The following TGFBR3 variants were observed in gnomAD, a reference collection of about 807,000 sequenced individuals.
TGFBR3 encodes the protein transforming growth factor beta receptor 3, also known as transforming growth factor beta receptor type 3.
In TGFBR3, 46 loss-of-function variants were observed where a neutral mutation model predicts 87.9. That is an observed-to-expected ratio of 0.52 (90% CI 0.41 to 0.67). TGFBR3 has a LOEUF of 0.67. Among genes scored for constraint, TGFBR3 ranks in the 30% least tolerant of loss-of-function variants. TGFBR3 has a pLI of 0.00. For missense variants in TGFBR3, 866 were observed against 1,041.9 expected, an observed-to-expected ratio of 0.83 and a Z score of 2.32; for synonymous variants, 381 against 391.6, an observed-to-expected ratio of 0.97 and a Z score of 0.32.
At chr1:91,843,131 G>A (rs968632192) in intron 2 of TGFBR3, among the ~76,000 whole-genome samples, 6 of 152,212 alleles carry the variant, frequency 3.9e-5, no homozygotes, top group African/African-American at 1.4e-4. Context: ...TTAAAAGACT[G>A]ATTAAATATG....
At chr1:91,849,009 T>C (rs1677614998) in intron 2 of TGFBR3, among the ~76,000 whole-genome samples, 1 of 152,214 alleles carries the variant, frequency 6.6e-6, no homozygotes, top group Non-Finnish European at 1.5e-5. Flanking sequence ...GAGAAATACA[T>C]CTTTATCCAC....
chr1:91,896,361 G>A (rs1679550889), intron 2 of TGFBR3, among the ~76,000 whole-genome samples: 1 of 152,210 alleles, frequency 6.6e-6, no homozygotes, highest in Non-Finnish European at 1.5e-5. Flanking sequence ...CAACAACCAT[G>A]AAGAGAGATG....
chr1:91,827,119 A>C (rs1379882740), intron 2 of TGFBR3, among the ~76,000 whole-genome samples: 1 of 152,176 alleles, frequency 6.6e-6, no homozygotes, highest in Non-Finnish European at 1.5e-5. Context: ...TGGTGCCAAC[A>C]TAGAAAATGT....
intron 16 of TGFBR3, among the ~76,000 whole-genome samples, chr1:91,691,740 G>A (rs139635955): frequency 2.4e-4 from 37 of 152,300 alleles, no homozygotes; most frequent in African/African-American, 8.2e-4. Flanking sequence ...GGAGGGAACC[G>A]GTTCAGACAG....
chr1:91,792,348 G>C (rs1195528898), intron 3 of TGFBR3, among the ~76,000 whole-genome samples: 1 of 152,038 alleles, frequency 6.6e-6, no homozygotes, highest in African/African-American at 2.4e-5. Context: ...TATTAAACCT[G>C]GCCCCTTTCC....
intron 2 of TGFBR3, among the ~76,000 whole-genome samples, chr1:91,798,789 T>TA (rs1240668826): frequency 3.3e-5 from 5 of 152,032 alleles, no homozygotes; most frequent in Admixed American, 6.6e-5. Flanking sequence ...TCATTGAGCT[T>TA]AAAAAAAATT....
At chr1:91,863,603 A>G (rs1380102189) in intron 1 of TGFBR3, among the ~76,000 whole-genome samples, 2 of 152,244 alleles carry the variant, frequency 1.3e-5, no homozygotes, top group Admixed American at 1.3e-4. Flanking sequence ...AGAAATTAAG[A>G]TATAGCTATT....
chr1:91,762,457 TAAGATGTCATCCTTTCAGCAG>T (rs1674006770), intron 3 of TGFBR3, among the ~76,000 whole-genome samples: 1 of 152,174 alleles, frequency 6.6e-6, no homozygotes, highest in Admixed American at 6.5e-5. Flanking sequence ...CCGCTGGTCT[TAAGATGTCATCCTTTCAGCAG>T]AAGAACTTAA....
chr1:91,762,938 A>G (rs1005582247), intron 3 of TGFBR3, among the ~76,000 whole-genome samples: 3 of 152,034 alleles, frequency 2.0e-5, no homozygotes, highest in Admixed American at 1.3e-4. Context: ...CTACCTCCCT[A>G]TCTCTCACTT....
intron 3 of TGFBR3, among the ~76,000 whole-genome samples, chr1:91,769,340 G>A (rs548632744): frequency 2.0e-5 from 3 of 152,162 alleles, no homozygotes; most frequent in South Asian, 2.1e-4. Context: ...AAGTCAAAAC[G>A]GGTTTCCTCA....
At chr1:91,785,713 G>C (rs1674931391) in intron 3 of TGFBR3, among the ~76,000 whole-genome samples, 1 of 151,306 alleles carries the variant, frequency 6.6e-6, no homozygotes, top group Non-Finnish European at 1.5e-5. Context: ...TTTCTTCTGG[G>C]AATCCTTCCC....
chr1:91,712,240 A>G lies in TGFBR3; in HGVS notation c.2166+3T>C. On this transcript the variant is annotated splice_donor_region_variant and intron_variant, in intron 13 of 16. Transcript: ENST00000212355. ...CCATCCGAATGGATGAAGGCCCACA[A>G]ACCTTAGGCAACTTCTGGGGGTGCT... is the stretch of plus-strand genomic sequence containing the variant. 2 of 1,613,972 alleles carry G rather than the reference A, an allele frequency of 1.2e-6. No individual in the cohort carries two copies. The highest frequency in any genetic ancestry group is 1.7e-6 in the Non-Finnish European group (2 of 1,179,928).
chr1:91,686,103 A>C (rs1056655220), intron 16 of TGFBR3, among the ~76,000 whole-genome samples: 1 of 152,150 alleles, frequency 6.6e-6, no homozygotes, highest in Non-Finnish European at 1.5e-5. Context: ...TTGCTTCATC[A>C]AGCAATAGGG....
chr1:91,720,130 C>A lies in TGFBR3; in HGVS notation c.1176G>T (p.Arg392=), dbSNP rs772835583. The part of the protein sequence containing the change: ...ALPALQNPPI[R]GGEGQNGGLP... ...GGCCTCCATTTTGGCCTTCCCCTCC[C>A]CGGATGGGCGGGTTCTGCAGGGCAG... The change falls in exon 9 of 17, where the codon CGG becomes CGT. Residue 392 remains arginine, a synonymous_variant. Coordinates refer to ENST00000212355, the MANE Select transcript of TGFBR3 (RefSeq NM_003243.5). The A allele has an allele frequency of 2.5e-6, 4 of 1,614,068 alleles. No individual in the cohort carries two copies. The highest frequency in any genetic ancestry group is 3.4e-6 in the Non-Finnish European group (4 of 1,180,020).
chr1:91,727,441 G>C (rs1378914997), intron 7 of TGFBR3, among the ~76,000 whole-genome samples: 2 of 152,172 alleles, frequency 1.3e-5, no homozygotes, highest in Non-Finnish European at 2.9e-5. Context: ...GTCACAGTGG[G>C]ATTACCTGGA....
intron 2 of TGFBR3, among the ~76,000 whole-genome samples, chr1:91,808,596 G>A (rs911758642): frequency 6.6e-6 from 1 of 152,102 alleles, no homozygotes; most frequent in African/African-American, 2.4e-5. Flanking sequence ...CTCCCAAGTA[G>A]CTGGAATTAC....
At chr1:91,788,151 C>T (rs1447761432) in intron 3 of TGFBR3, among the ~76,000 whole-genome samples, 3 of 152,104 alleles carry the variant, frequency 2.0e-5, no homozygotes, top group Non-Finnish European at 4.4e-5. Flanking sequence ...GTTGGTGCCC[C>T]GAGGGGCTAG....
intron 2 of TGFBR3, among the ~76,000 whole-genome samples, chr1:91,814,296 G>A (rs376607379): frequency 1.5e-4 from 23 of 152,052 alleles, no homozygotes; most frequent in African/African-American, 5.3e-4. Flanking sequence ...AAGAAGGTTC[G>A]CTTCCTAAGC....
intron 2 of TGFBR3, among the ~76,000 whole-genome samples, chr1:91,896,645 A>G (rs962392316): frequency 2.6e-5 from 4 of 152,236 alleles, no homozygotes; most frequent in African/African-American, 9.6e-5. Flanking sequence ...GACTAAAGCT[A>G]GCTGAAAGAG....
Sources: gnomAD v4.1 joint callset for allele counts (sites outside exome capture counted in the v4.1 genomes callset) on GRCh38, gnomAD v4.1.1 for gene constraint, MANE v1.5 for transcripts, NCBI Gene and HGNC (gene_info 2026-07-23, HGNC 2026-07-21) for gene names.